The following ZNF469 variants were observed in gnomAD, a reference collection of about 807,000 sequenced individuals.
ZNF469 encodes the protein zinc finger protein 469.
ZNF469 carries 1 observed loss-of-function variant against 1.0 expected under a neutral mutation model. The observed-to-expected ratio is 1.00, with a 90% CI of 0.35 to 4.73. The LOEUF (loss-of-function observed/expected upper bound fraction) is 4.73, where lower values mean the gene tolerates loss of function less well. Ranked by LOEUF, ZNF469 falls within the 30% of genes most tolerant of loss-of-function variation. The pLI is 0.16. For missense variants in ZNF469, 6,100 were observed against 5,356.3 expected (o/e 1.14, Z -4.33); for synonymous variants, 2,703 against 2,363.4 (o/e 1.14, Z -4.17).
the ZNF469 span, among the ~76,000 whole-genome samples, chr16:88,243,493 T>A: frequency 6.6e-6 from 1 of 152,242 alleles, no homozygotes; most frequent in Non-Finnish European, 1.5e-5. Context: ...TGTAGTCATC[T>A]GCTGATGGAC....
At chr16:88,238,886 C>T in the ZNF469 span, among the ~76,000 whole-genome samples, 40 of 152,332 alleles carry the variant, frequency 2.6e-4, no homozygotes, top group African/African-American at 9.4e-4. Flanking sequence ...AAAGTTCCTG[C>T]CCCTCAGCCT....
chr16:88,143,248 T>G, the ZNF469 span, among the ~76,000 whole-genome samples: 2 of 152,202 alleles, frequency 1.3e-5, no homozygotes, highest in Non-Finnish European at 2.9e-5. Context: ...CCTGTGTCAA[T>G]GGAGATTTCA....
the ZNF469 span, among the ~76,000 whole-genome samples, chr16:88,124,774 G>A: frequency 1.5e-4 from 23 of 152,104 alleles, no homozygotes; most frequent in Non-Finnish European, 2.9e-4. Context: ...AGTAGAGACG[G>A]GGTTTCTCCA....
At chr16:88,133,502 G>T in the ZNF469 span, among the ~76,000 whole-genome samples, 2 of 152,134 alleles carry the variant, frequency 1.3e-5, no homozygotes, top group African/African-American at 2.4e-5. Context: ...CTCACAGGAA[G>T]ATTTAATTTA....
chr16:88,350,603 A>G, the ZNF469 span, among the ~76,000 whole-genome samples: 2 of 152,226 alleles, frequency 1.3e-5, no homozygotes, highest in Non-Finnish European at 2.9e-5. Context: ...TGGGCGGAAT[A>G]AGATCATGAT....
At chr16:88,417,189 G>A (rs1198723207) in intron 1 of ZNF469, among the ~76,000 whole-genome samples, 3 of 151,290 alleles carry the variant, frequency 2.0e-5, no homozygotes, top group Admixed American at 6.6e-5. Context: ...CTGCAAGGGA[G>A]CTCAAAGCCA....
At chr16:88,294,747 A>G in the ZNF469 span, 1 of 152,290 alleles carries the variant, frequency 6.6e-6, no homozygotes, top group Admixed American at 6.5e-5. Context: ...CAGCCGATGA[A>G]ATGGAAGAGC....
chr16:88,397,238 G>A (rs887051807), intron 1 of ZNF469, among the ~76,000 whole-genome samples: 11 of 152,228 alleles, frequency 7.2e-5, no homozygotes, highest in African/African-American at 2.2e-4. Flanking sequence ...TGGCGGACCC[G>A]GTGCCCACCC....
chr16:88,370,507 G>A, the ZNF469 span, among the ~76,000 whole-genome samples: 1 of 152,096 alleles, frequency 6.6e-6, no homozygotes, highest in Non-Finnish European at 1.5e-5. Flanking sequence ...TGGACGATCG[G>A]CTAAGGAATA....
the ZNF469 span, among the ~76,000 whole-genome samples, chr16:88,110,633 T>C: frequency 6.6e-6 from 1 of 152,262 alleles, no homozygotes; most frequent in African/African-American, 2.4e-5. Context: ...CAGCGTGGGC[T>C]GCTGTCCTGC....
the ZNF469 span, among the ~76,000 whole-genome samples, chr16:88,201,634 T>C: frequency 6.6e-6 from 1 of 152,216 alleles, no homozygotes; most frequent in South Asian, 2.1e-4. The surrounding 1 kb of genome is among the most constrained non-coding windows in gnomAD (Gnocchi z 5.0). Context: ...CAGACAGCTG[T>C]GGCTGCCGGC....
chr16:88,175,396 A>G, the ZNF469 span, among the ~76,000 whole-genome samples: 4 of 152,214 alleles, frequency 2.6e-5, no homozygotes, highest in African/African-American at 9.7e-5. Flanking sequence ...TCTAACCACA[A>G]AATAAACATG....
At chr16:88,169,729 C>T in the ZNF469 span, among the ~76,000 whole-genome samples, 1 of 152,222 alleles carries the variant, frequency 6.6e-6, no homozygotes, top group Non-Finnish European at 1.5e-5. This position sits in a 1 kb window ranked among gnomAD's most constrained non-coding sequence, Gnocchi z 6.1. Flanking sequence ...AGCACCCAGC[C>T]AGTGCTCCAG....
At chr16:88,133,688 TTAAA>T in the ZNF469 span, among the ~76,000 whole-genome samples, 3 of 150,674 alleles carry the variant, frequency 2.0e-5, no homozygotes, top group African/African-American at 4.9e-5. Flanking sequence ...CAAATAATTA[TTAAA>T]TTAATTAACT....
chr16:88,310,770 G>A, the ZNF469 span, among the ~76,000 whole-genome samples: 7 of 151,976 alleles, frequency 4.6e-5, no homozygotes, highest in Middle Eastern at 6.3e-3. Context: ...AGTAGAGACC[G>A]GGTTTCACCA....
intron 1 of ZNF469, among the ~76,000 whole-genome samples, chr16:88,405,537 C>G (rs1323551273): frequency 6.6e-6 from 1 of 152,178 alleles, no homozygotes; most frequent in Non-Finnish European, 1.5e-5. Flanking sequence ...GCATCAGGGC[C>G]TTGGGGGCTG....
rs7195483 is a variant in ZNF469 at position 88,415,707 on chromosome 16, C to T, written c.-191-9100C>T. 8.5e-3 allele frequency among the ~76,000 whole-genome samples: 1,291 copies of T among 152,330 alleles called. 22 individuals are homozygous for T. The highest frequency in any genetic ancestry group is 0.03 in the African/African-American group (1,233 of 41,560). On this transcript the variant is annotated intron_variant, in intron 1 of 2. Coordinates refer to ENST00000565624, the MANE Select transcript of ZNF469 (RefSeq NM_001367624.2). ...ACCAGAGCTGGGTGCACGTCCCAGC[C>T]CCACATCTCAGCCATGTGCCCTGGA...
rs556195040 is a variant in ZNF469 at position 88,430,565 on chromosome 16, C to A, written c.3095C>A (p.Pro1032His). 4.5e-5 allele frequency: 67 copies of A among 1,488,658 alleles called. 2 individuals carry two copies. The South Asian group carries it at 6.9e-4, about 15-fold the overall frequency. The allele number at this position is 1,488,658 out of a possible 1,614,324, so 92.2% of individuals were successfully genotyped here. ...TRSSRRRRLP[P>H]RKDPRKRKAR... ...AGCTCCCGGCGCCGCCGGCTGCCCC[C>A]CAGGAAGGACCCCAGGAAGAGGAAG... Residue 1032 changes from proline to histidine, a missense_variant, in exon 3 of 3, where the codon CCC becomes CAC. Transcript: ENST00000565624.
chr16:88,200,005 C>T, the ZNF469 span, among the ~76,000 whole-genome samples: 1 of 152,190 alleles, frequency 6.6e-6, no homozygotes, highest in Non-Finnish European at 1.5e-5. Context: ...CTGTTCCCTC[C>T]ATGACCTCGC....
Sources: gnomAD v4.1 joint callset for allele counts (sites outside exome capture counted in the v4.1 genomes callset) on GRCh38, gnomAD v4.1.1 for gene constraint, Gnocchi (gnomAD v3.1) non-coding constraint, MANE v1.5 for transcripts, NCBI Gene and HGNC (gene_info 2026-07-23, HGNC 2026-07-21) for gene names.